Variants in ATP13A5 observed in about 807,000 individuals in gnomAD.
The protein encoded by ATP13A5 is ATPase 13A5.
Under a neutral mutation model 150.2 loss-of-function variants are expected in ATP13A5, and 149 were observed. The ratio of observed to expected loss-of-function variants is 0.99; its 90% CI spans 0.87 to 1.14. The LOEUF is 1.14. Ranked by LOEUF, ATP13A5 falls within the 50% of genes most tolerant of loss-of-function variation. The probability of loss-of-function intolerance (pLI) is 0.00; values close to 1 mark genes in which losing one functional copy is unlikely to be tolerated. For missense variants in ATP13A5, 1,383 were observed against 1,449.3 expected, an observed-to-expected ratio of 0.95 and a Z score of 0.74; for synonymous variants, 497 against 522.2, an observed-to-expected ratio of 0.95 and a Z score of 0.66.
chr3:193,288,330 A>G (rs1158954667), intron 26 of ATP13A5, among the ~76,000 whole-genome samples: 1 of 152,156 alleles, frequency 6.6e-6, no homozygotes, highest in Non-Finnish European at 1.5e-5. Flanking sequence ...ATCTCATGAA[A>G]GGAAGAGTCA....
At chr3:193,304,794 A>G (rs1231602306) in intron 23 of ATP13A5, among the ~76,000 whole-genome samples, 2 of 152,210 alleles carry the variant, frequency 1.3e-5, no homozygotes, top group East Asian at 3.8e-4. Flanking sequence ...GAGACAGGGT[A>G]ATTTGTAAAC....
At position 193,311,799 on chromosome 3, in the gene ATP13A5, C is replaced by T; in HGVS notation, c.2445+17G>A. On this transcript the variant is annotated intron_variant, in intron 20 of 29. Coordinates refer to ENST00000342358, the MANE Select transcript of ATP13A5 (RefSeq NM_198505.4). Reference sequence around the variant, plus strand: ...ATTTGAGGAGCAAAACAAAACACTTCTTTCTTCAGTACTTACTTTTGGAAG... The same window carrying T: ...ATTTGAGGAGCAAAACAAAACACTTTTTTCTTCAGTACTTACTTTTGGAAG... The T allele has an allele frequency of 6.2e-7, 1 of 1,613,104 alleles. No individual in the cohort carries two copies. The highest frequency in any genetic ancestry group is 8.5e-7 in the Non-Finnish European group (1 of 1,179,476).
At chr3:193,290,506 A>G (rs1717908763) in intron 25 of ATP13A5, among the ~76,000 whole-genome samples, 1 of 152,110 alleles carries the variant, frequency 6.6e-6, no homozygotes. Context: ...GATAATTTAA[A>G]AAAAACACTC....
chr3:193,336,177 A>G (rs1711850890), intron 9 of ATP13A5, among the ~76,000 whole-genome samples: 1 of 152,154 alleles, frequency 6.6e-6, no homozygotes, highest in Non-Finnish European at 1.5e-5. Context: ...TTTGACATAT[A>G]TAAATTTGTA....
intron 1 of ATP13A5, among the ~76,000 whole-genome samples, chr3:193,374,671 A>G (rs1416984210): frequency 6.6e-6 from 1 of 151,814 alleles, no homozygotes; most frequent in African/African-American, 2.4e-5. Context: ...ACACACACAC[A>G]CACGCATACA....
chr3:193,337,342 G>A (rs1399407627), intron 9 of ATP13A5, among the ~76,000 whole-genome samples: 7 of 152,128 alleles, frequency 4.6e-5, no homozygotes, highest in Non-Finnish European at 1.0e-4. Flanking sequence ...TATTGCCTAG[G>A]TTTTCTTCTA....
intron 2 of ATP13A5, 82 bp downstream of exon 2, chr3:193,364,025 T>C (rs1458473664): frequency 6.4e-6 from 9 of 1,406,942 alleles, no homozygotes; most frequent in Non-Finnish European, 8.8e-6. Context: ...TGAAATATAA[T>C]ACCAGCCACA....
intron 3 of ATP13A5, 85 bp downstream of exon 3, chr3:193,363,151 G>A: frequency 7.0e-7 from 1 of 1,438,094 alleles, no homozygotes; most frequent in Non-Finnish European, 9.4e-7. Context: ...CCAAAAGTGT[G>A]ATATTCGGAA....
At chr3:193,327,091 A>T in intron 12 of ATP13A5, 34 bp from the exon 13 acceptor site, 1 of 1,562,862 alleles carries the variant, frequency 6.4e-7, no homozygotes, top group South Asian at 1.2e-5. Context: ...TTAGCATAAG[A>T]TTTAAAGCTT....
chr3:193,333,858 C>T lies in ATP13A5; in HGVS notation c.1164G>A (p.Arg388=), dbSNP rs962362779. The change falls in exon 11 of 30, where the codon CGG becomes CGA. Residue 388 remains arginine (R), a synonymous_variant. Transcript: ENST00000342358. The part of the protein sequence containing the change: ...GDLVRSILYP[R]PLNFKLYSDA... The stretch of plus-strand genomic sequence containing the variant: ...CGCTGTATAGTTTGAAGTTCAGAGG[C>T]CGGGGGTACAGGATGGATCTCACTA... 1 of 1,613,906 alleles carries T rather than the reference C, an allele frequency of 6.2e-7. No individual in the cohort carries two copies. Among genetic ancestry groups the T allele is most frequent in the Admixed American group, 1.7e-5 (1 of 60,004 alleles).
At chr3:193,321,948 G>T in intron 15 of ATP13A5, 111 bp from the exon 16 acceptor site, 1 of 1,213,816 alleles carries the variant, frequency 8.2e-7, no homozygotes, top group Non-Finnish European at 1.1e-6. Context: ...TCTTGATGTA[G>T]TATATTTGTC....
chr3:193,343,809 G>C lies in ATP13A5; in HGVS notation c.943+118C>G, dbSNP rs1292765941. On this transcript the variant is annotated intron_variant, in intron 9 of 29. Coordinates refer to ENST00000342358, the MANE Select transcript of ATP13A5 (RefSeq NM_198505.4). ...CTCCATATAAATGCAAAGGCTGGCT[G>C]TGTCTCCCTCACCTATCTCTGAATA... 5 of 1,190,628 alleles carry C rather than the reference G, an allele frequency of 4.2e-6. No individual in the cohort carries two copies. The East Asian group carries it at 1.0e-4, about 24-fold the overall frequency. The allele number at this position is 1,190,628 out of a possible 1,614,324, so 73.8% of individuals were successfully genotyped here. A position where few individuals can be genotyped will look rare whatever the true frequency, so the allele number is the denominator to read the frequency against.
intron 9 of ATP13A5, among the ~76,000 whole-genome samples, chr3:193,337,858 C>T (rs1204251555): frequency 1.3e-5 from 2 of 152,328 alleles, no homozygotes; most frequent in South Asian, 2.1e-4. Context: ...TTCTTCCTAT[C>T]CATGAGTGTG....
intron 7 of ATP13A5, among the ~76,000 whole-genome samples, chr3:193,349,038 T>A (rs1210354828): frequency 2.0e-5 from 3 of 152,312 alleles, no homozygotes; most frequent in Admixed American, 1.3e-4. Context: ...CCATGTCCCA[T>A]ACAAACACAT....
intron 21 of ATP13A5, among the ~76,000 whole-genome samples, chr3:193,309,545 A>G (rs1718758296): frequency 6.6e-6 from 1 of 152,102 alleles, no homozygotes; most frequent in African/African-American, 2.4e-5. Flanking sequence ...CGTGGGCTGG[A>G]TCTAGTGGCT....
chr3:193,301,342 T>C (rs1029289708), intron 23 of ATP13A5, 35 bp from the exon 24 acceptor site: 1 of 1,542,034 alleles, frequency 6.5e-7, no homozygotes, highest in Non-Finnish European at 8.9e-7. Flanking sequence ...AAATTGGTTA[T>C]GTATGATAAA....
intron 16 of ATP13A5, 57 bp from the exon 17 acceptor site, chr3:193,319,165 A>G: frequency 7.7e-7 from 1 of 1,300,306 alleles, no homozygotes. Context: ...TGGTCTAAGC[A>G]AGACTCCAGG....
rs574335870 is a variant in ATP13A5, at chr3:193,370,492, G to A, written c.64-6212C>T. ...GCAGCAGTTAAAAGCTGAGGATATG[G>A]CATGGGAAAACCAAGTTCAAATCAT... On this transcript the variant is annotated intron_variant, in intron 1 of 29. Coordinates refer to ENST00000342358, the MANE Select transcript of ATP13A5 (RefSeq NM_198505.4). Among the ~76,000 whole-genome samples, 3 of 152,280 alleles carry A rather than the reference G, an allele frequency of 2.0e-5. No individual in the cohort carries two copies. The South Asian group carries it at 6.2e-4, about 32-fold the overall frequency.
intron 9 of ATP13A5, among the ~76,000 whole-genome samples, chr3:193,340,343 C>T (rs73888271): frequency 0.01 from 1,544 of 152,270 alleles, 32 homozygotes; most frequent in Middle Eastern, 0.034. Flanking sequence ...GTACCTGGCA[C>T]ATGGTAGGCA....
Sources: allele counts gnomAD v4.1 joint callset (sites outside exome capture counted in the v4.1 genomes callset), GRCh38; gene constraint gnomAD v4.1.1; transcripts MANE v1.5; gene names NCBI Gene and HGNC (gene_info 2026-07-23, HGNC 2026-07-21).